GNAI1: variants seen among roughly 807,000 people sequenced by gnomAD.
GNAI1 encodes the protein G protein subunit alpha i1.
A neutral mutation model predicts 38.9 loss-of-function variants in GNAI1; 11 were observed. That is an observed-to-expected ratio of 0.28 (90% CI 0.18 to 0.47). GNAI1 has a LOEUF of 0.47. Ranked by LOEUF, GNAI1 falls within the 20% of genes least tolerant of loss-of-function variation. The pLI is 0.99. For missense variants in GNAI1, 317 were observed against 436.9 expected, an observed-to-expected ratio of 0.73 and a Z score of 2.45; for synonymous variants, 166 against 145.1, an observed-to-expected ratio of 1.14 and a Z score of -1.04.
In GNAI1 at chr7:80,199,280, C is replaced by T. The variant is rs986358825; in HGVS notation, c.359C>T (p.Thr120Ile). The T allele has an allele frequency of 5.6e-6, 9 of 1,613,248 alleles. No homozygotes were observed. The highest frequency in any genetic ancestry group is 7.6e-6 in the Non-Finnish European group (9 of 1,179,474). ...GGAGCTGCTGAAGAAGGCTTTATGA[C>T]TGCAGAACTTGCTGGAGTTATAAAG... ...LAGAAEEGFM[T>I]AELAGVIKRL... is the part of the protein sequence containing the mutation. The change falls in exon 4 of 8, where the codon ACT (threonine) becomes ATT (isoleucine). Residue 120 changes from threonine to isoleucine, a missense_variant. Coordinates refer to ENST00000649796, the MANE Select transcript of GNAI1 (RefSeq NM_002069.6).
intron 1 of GNAI1, among the ~76,000 whole-genome samples, chr7:80,159,143 C>T (rs1787873179): frequency 1.3e-5 from 2 of 152,252 alleles, no homozygotes; most frequent in South Asian, 4.1e-4. Flanking sequence ...TCTTGTGCTG[C>T]TGGCTCAAGT....
At chr7:80,154,277 T>C (rs994367576) in intron 1 of GNAI1, among the ~76,000 whole-genome samples, 1 of 152,212 alleles carries the variant, frequency 6.6e-6, no homozygotes, top group Admixed American at 6.5e-5. Context: ...ATTGTTATTT[T>C]ATGGTTATAA....
rs973734542 is a variant in GNAI1, at chr7:80,224,662, C to A, written c.*7169C>A. On this transcript the variant is annotated 3_prime_UTR_variant, in exon 8 of 8. Coordinates refer to ENST00000649796, the MANE Select transcript of GNAI1 (RefSeq NM_002069.6). Reference sequence around the variant, plus strand: ...GCCAGTGCAGTAAAGAAGTAAAGAGCTCTCTGTGTGTTAACCCTCCATTTC... The same window carrying A: ...GCCAGTGCAGTAAAGAAGTAAAGAGATCTCTGTGTGTTAACCCTCCATTTC... 3.3e-5 allele frequency among the ~76,000 whole-genome samples: 5 copies of A among 152,278 alleles called. No individual in the cohort carries two copies. The highest frequency in any genetic ancestry group is 2.1e-4 in the South Asian group (1 of 4,830).
intron 4 of GNAI1, among the ~76,000 whole-genome samples, chr7:80,202,300 G>A (rs1356733096): frequency 6.6e-6 from 1 of 152,098 alleles, no homozygotes; most frequent in African/African-American, 2.4e-5. Flanking sequence ...ATGTTGGCCA[G>A]GATGGTCTTG....
At chr7:80,157,709 CT>C (rs956796336) in intron 1 of GNAI1, among the ~76,000 whole-genome samples, 1 of 151,824 alleles carries the variant, frequency 6.6e-6, no homozygotes, top group African/African-American at 2.4e-5. Flanking sequence ...CACCTTTTTT[CT>C]TTTTTTTATT....
chr7:80,149,734 G>A (rs1009787227), intron 1 of GNAI1, among the ~76,000 whole-genome samples: 4 of 152,038 alleles, frequency 2.6e-5, no homozygotes, highest in Non-Finnish European at 5.9e-5. Flanking sequence ...TAGATAGATT[G>A]TTTTGCTTCA....
chr7:80,177,960 T>C (rs1214692468), intron 1 of GNAI1, among the ~76,000 whole-genome samples: 1 of 152,150 alleles, frequency 6.6e-6, no homozygotes, highest in Non-Finnish European at 1.5e-5. Flanking sequence ...GATTAATCAT[T>C]CTAGATGCCA....
intron 1 of GNAI1, among the ~76,000 whole-genome samples, chr7:80,181,836 C>A (rs1364317303): frequency 6.6e-6 from 1 of 152,096 alleles, no homozygotes; most frequent in Non-Finnish European, 1.5e-5. Flanking sequence ...ATAATTAAGT[C>A]AGGCTAATTA....
chr7:80,156,168 T>C (rs960289999), intron 1 of GNAI1, among the ~76,000 whole-genome samples: 4 of 152,148 alleles, frequency 2.6e-5, no homozygotes, highest in Admixed American at 6.6e-5. Flanking sequence ...TTTCTGAGGC[T>C]GTGGTATTCA....
chr7:80,200,807 T>C, intron 4 of GNAI1, among the ~76,000 whole-genome samples: 1 of 152,210 alleles, frequency 6.6e-6, no homozygotes, highest in Non-Finnish European at 1.5e-5. Context: ...GGTTTATACA[T>C]GTATATATAA....
intron 1 of GNAI1, among the ~76,000 whole-genome samples, chr7:80,172,982 G>A (rs1193407025): frequency 6.6e-6 from 1 of 152,110 alleles, no homozygotes; most frequent in African/African-American, 2.4e-5. Context: ...TCTGTTTTCT[G>A]GGCACATGGC....
intron 3 of GNAI1, among the ~76,000 whole-genome samples, chr7:80,195,584 A>G (rs1254278685): frequency 6.6e-6 from 1 of 152,068 alleles, no homozygotes; most frequent in African/African-American, 2.4e-5. Context: ...AACCAATGAC[A>G]AAAAACACAT....
intron 1 of GNAI1, among the ~76,000 whole-genome samples, chr7:80,176,265 C>T (rs949296262): frequency 1.3e-5 from 2 of 152,314 alleles, no homozygotes; most frequent in East Asian, 1.9e-4. Context: ...CTACCTCTTC[C>T]GTTCCGTGAA....
intron 1 of GNAI1, among the ~76,000 whole-genome samples, chr7:80,180,647 G>C (rs1406754797): frequency 2.0e-5 from 3 of 152,042 alleles, no homozygotes; most frequent in Non-Finnish European, 2.9e-5. Context: ...AAGACTCTTT[G>C]GGTCAGTGTG....
intron 5 of GNAI1, among the ~76,000 whole-genome samples, chr7:80,207,072 T>A (rs949236864): frequency 1.7e-4 from 26 of 152,158 alleles, no homozygotes; most frequent in African/African-American, 6.0e-4. Context: ...AGACTTAGGT[T>A]CCCCTAATAA....
In GNAI1 at chr7:80,220,430, C is replaced by T. The variant is rs1789051944; in HGVS notation, c.*2937C>T. On this transcript the variant is annotated 3_prime_UTR_variant, in exon 8 of 8. Transcript: ENST00000649796. ...GGCATCTGTTCTTCAGGGTGCCCTT[C>T]TGGGAACTACATGATTCTGATAGAG... Among the ~76,000 whole-genome samples, 1 of 151,992 alleles carries T rather than the reference C, an allele frequency of 6.6e-6. No homozygotes were observed. Among genetic ancestry groups the T allele is most frequent in the Admixed American group, 6.5e-5 (1 of 15,280 alleles).
In GNAI1 at chr7:80,212,922, C is replaced by T. The variant is rs1788898957; in HGVS notation, c.874+53C>T. On this transcript the variant is annotated intron_variant, in intron 7 of 7. Coordinates refer to ENST00000649796, the MANE Select transcript of GNAI1 (RefSeq NM_002069.6). Reference sequence around the variant, plus strand: ...TCAAGTTACATATTTCTAAGTGAAACTTCCCCTAAGGCAAGAATTCAGTTG... The same window carrying T: ...TCAAGTTACATATTTCTAAGTGAAATTTCCCCTAAGGCAAGAATTCAGTTG... 6 of 1,204,542 alleles carry T rather than the reference C, an allele frequency of 5.0e-6. No individual in the cohort carries two copies. The South Asian group carries it at 7.4e-5, about 15-fold the overall frequency. The allele number at this position is 1,204,542 out of a possible 1,614,324, so 74.6% of individuals were successfully genotyped here. A position where few individuals can be genotyped will look rare whatever the true frequency, so the allele number is the denominator to read the frequency against.
chr7:80,139,700 T>C (rs189355048), intron 1 of GNAI1, among the ~76,000 whole-genome samples: 1 of 152,172 alleles, frequency 6.6e-6, no homozygotes, highest in Non-Finnish European at 1.5e-5. Flanking sequence ...CCAGCCAAAT[T>C]ATGTAAACAA....
chr7:80,144,610 C>A (rs759183018), intron 1 of GNAI1, among the ~76,000 whole-genome samples: 2 of 152,100 alleles, frequency 1.3e-5, no homozygotes, highest in Non-Finnish European at 2.9e-5. Context: ...TTTCTAGTAA[C>A]TGATCTATAT....
Sources: allele counts gnomAD v4.1 joint callset (sites outside exome capture counted in the v4.1 genomes callset), GRCh38; gene constraint gnomAD v4.1.1; transcripts MANE v1.5; gene names NCBI Gene and HGNC (gene_info 2026-07-23, HGNC 2026-07-21).